Variants in PFDN4 observed in about 807,000 individuals in gnomAD.
PFDN4 encodes the protein prefoldin 4.
PFDN4 carries 6 observed loss-of-function variants against 17.6 expected under a neutral mutation model. That is an observed-to-expected ratio of 0.34 (90% CI 0.19 to 0.67). The LOEUF (loss-of-function observed/expected upper bound fraction) is 0.67. Among genes scored for constraint, PFDN4 ranks in the 30% least tolerant of loss-of-function variants. The pLI is 0.68. For missense variants in PFDN4, 119 were observed against 158.4 expected (o/e 0.75, Z 1.33); for synonymous variants, 48 against 51.1 (o/e 0.94, Z 0.26).
chr20:54,213,104 G>A (rs1191611664), intron 1 of PFDN4, among the ~76,000 whole-genome samples: 4 of 152,188 alleles, frequency 2.6e-5, no homozygotes, highest in African/African-American at 9.7e-5. Flanking sequence ...ACCTTAAGTC[G>A]ATGGTCATGA....
At chr20:54,216,379 A>G (rs1601176748) in intron 3 of PFDN4, among the ~76,000 whole-genome samples, 3 of 152,344 alleles carry the variant, frequency 2.0e-5, no homozygotes, top group Admixed American at 2.0e-4. Context: ...TGTCATAAAA[A>G]GCAAAACTTC....
At chr20:54,209,596 C>G (rs1038581463) in intron 1 of PFDN4, among the ~76,000 whole-genome samples, 1 of 152,150 alleles carries the variant, frequency 6.6e-6, no homozygotes, top group Non-Finnish European at 1.5e-5. Context: ...ATTGGGCCCT[C>G]TGGTGTTAGG....
At chr20:54,217,307 C>T (rs6023042) in intron 3 of PFDN4, among the ~76,000 whole-genome samples, 50 of 152,020 alleles carry the variant, frequency 3.3e-4, no homozygotes, top group African/African-American at 1.1e-3. Flanking sequence ...GGGTTCTAGT[C>T]GTGAGAAGCA....
In PFDN4 at chr20:54,219,168, T is replaced by A. The variant is rs748561161; in HGVS notation, c.*18T>A. 4 of 1,369,686 alleles carry A rather than the reference T, an allele frequency of 2.9e-6. No individual in the cohort carries two copies. Among genetic ancestry groups the A allele is most frequent in the Non-Finnish European group, 3.9e-6 (4 of 1,019,628 alleles). 84.8% of individuals were successfully genotyped at this position (1,369,686 alleles called of 1,614,324 possible). On this transcript the variant is annotated 3_prime_UTR_variant, in exon 4 of 4. Coordinates refer to ENST00000371419, the MANE Select transcript of PFDN4 (RefSeq NM_002623.4). ...AAAGTTAAACATTTTATAATACTTT[T>A]TTTATTTGTTTAATAAACTTGAATA...
intron 1 of PFDN4, among the ~76,000 whole-genome samples, chr20:54,209,351 A>G (rs1470487508): frequency 6.6e-6 from 1 of 152,166 alleles, no homozygotes; most frequent in Non-Finnish European, 1.5e-5. Context: ...GCCCCTATCC[A>G]GTACCACATA....
In PFDN4 at chr20:54,219,367, A is replaced by C; in HGVS notation, c.*217A>C. ...ATGTATTTTGCATAACGATTATATC[A>C]AGTCTAGGGGCTTCATGTCATGTTA... On this transcript the variant is annotated 3_prime_UTR_variant, in exon 4 of 4. Transcript: ENST00000371419. 1 of 404,994 alleles carries C rather than the reference A, an allele frequency of 2.5e-6. No homozygotes were observed. Among genetic ancestry groups the C allele is most frequent in the Non-Finnish European group, 4.3e-6 (1 of 232,920 alleles). 25.1% of individuals were successfully genotyped at this position (404,994 alleles called of 1,614,324 possible).
rs778109659 is a variant in PFDN4 at position 54,219,006 on chromosome 20, A to AT, written c.274-5dup. ...CTATTGAATAGAATTAATTTAAAAT[A>AT]TTTTTTTTCCAGAAAAATTTGCAAG... is the stretch of plus-strand genomic sequence containing the variant. On this transcript the variant is annotated splice_polypyrimidine_tract_variant and intron_variant, in intron 3 of 3. Coordinates refer to ENST00000371419, the MANE Select transcript of PFDN4 (RefSeq NM_002623.4). The AT allele has an allele frequency of 1.2e-4, 174 of 1,429,986 alleles. No individual in the cohort carries two copies. In the Admixed American group the frequency reaches 1.6e-3, roughly 13 times the overall value. 88.6% of individuals were successfully genotyped at this position (1,429,986 alleles called of 1,614,324 possible). A position where few individuals can be genotyped will look rare whatever the true frequency, so the allele number is the denominator to read the frequency against.
intron 1 of PFDN4, among the ~76,000 whole-genome samples, chr20:54,212,005 C>G (rs139183952): frequency 6.3e-4 from 96 of 152,094 alleles, no homozygotes; most frequent in Non-Finnish European, 1.2e-3. Flanking sequence ...CCAGCCTGGC[C>G]AACATGGTGA....
At chr20:54,212,852 T>C (rs974768492) in intron 1 of PFDN4, among the ~76,000 whole-genome samples, 10 of 152,286 alleles carry the variant, frequency 6.6e-5, no homozygotes, top group African/African-American at 2.4e-4. Context: ...CGTAGCTCAG[T>C]GTTCCCCAAC....
In PFDN4 at chr20:54,215,393, A is replaced by G; in HGVS notation, c.226A>G (p.Ile76Val). 2 of 1,606,008 alleles carry G rather than the reference A, an allele frequency of 1.2e-6. No homozygotes were observed. The highest frequency in any genetic ancestry group is 8.5e-7 in the Non-Finnish European group (1 of 1,174,744). Reference sequence around the variant, plus strand: ...ACCTTATCAAATTGGTGATGTCTTCATTAGCCATTCTCAAGAAGAAACGCA... The same window carrying G: ...ACCTTATCAAATTGGTGATGTCTTCGTTAGCCATTCTCAAGAAGAAACGCA... ...MIPYQIGDVF[I>V]SHSQEETQEM... Residue 76 changes from isoleucine to valine, a missense_variant, in exon 3 of 4, where the codon ATT becomes GTT. Ile to Val is a conservative substitution (Grantham distance 29). This residue lies in a region of PFDN4 where 81 missense variants were observed against 111.7 expected (regional missense o/e 0.73). Transcript: ENST00000371419.
chr20:54,218,547 C>G (rs540232622), intron 3 of PFDN4, among the ~76,000 whole-genome samples: 1 of 152,234 alleles, frequency 6.6e-6, no homozygotes, highest in East Asian at 1.9e-4. Flanking sequence ...CAAAGTTTAG[C>G]TCCAGAGGCC....
chr20:54,208,379 C>T (rs2092750982), intron 1 of PFDN4: 1 of 425,000 alleles, frequency 2.4e-6, no homozygotes. Flanking sequence ...AGGTCCGCCT[C>T]CCGCGATGCC....
intron 1 of PFDN4, among the ~76,000 whole-genome samples, chr20:54,209,902 G>A (rs1463763846): frequency 1.3e-5 from 2 of 152,176 alleles, no homozygotes; most frequent in Non-Finnish European, 2.9e-5. Context: ...AAGAACGTAT[G>A]TTCCAGGGCA....
At chr20:54,217,149 TGA>T (rs2092763634) in intron 3 of PFDN4, among the ~76,000 whole-genome samples, 2 of 152,020 alleles carry the variant, frequency 1.3e-5, no homozygotes, top group South Asian at 4.2e-4. Context: ...GAAAGTGATA[TGA>T]GGATAGAGGT....
chr20:54,212,856 C>G (rs1479462547), intron 1 of PFDN4, among the ~76,000 whole-genome samples: 2 of 152,252 alleles, frequency 1.3e-5, no homozygotes, highest in Admixed American at 6.5e-5. Context: ...GCTCAGTGTT[C>G]CCCAACTTCC....
chr20:54,216,703 C>G (rs1344512302), intron 3 of PFDN4, among the ~76,000 whole-genome samples: 1 of 152,022 alleles, frequency 6.6e-6, no homozygotes. Context: ...GTCGCCCAGG[C>G]TGGAGTGCAA....
intron 1 of PFDN4, chr20:54,208,762 C>G (rs935805973): frequency 2.0e-5 from 3 of 152,342 alleles, no homozygotes; most frequent in African/African-American, 7.2e-5. Flanking sequence ...TGTGCCGGGC[C>G]CAGCAGCCGG....
chr20:54,213,390 C>T (rs1438759017), intron 1 of PFDN4, among the ~76,000 whole-genome samples: 1 of 152,124 alleles, frequency 6.6e-6, no homozygotes, highest in Non-Finnish European at 1.5e-5. Flanking sequence ...TCCAGATGTG[C>T]CTAAGCCTGT....
chr20:54,212,823 T>C (rs1033475108), intron 1 of PFDN4, among the ~76,000 whole-genome samples: 8 of 151,758 alleles, frequency 5.3e-5, no homozygotes, highest in Non-Finnish European at 7.3e-5. Context: ...TGCCAAGATA[T>C]AGACTTTGGT....
Sources: gnomAD v4.1 joint callset for allele counts (sites outside exome capture counted in the v4.1 genomes callset) on GRCh38, gnomAD v4.1.1 for gene constraint, gnomAD v4.1.1 regional missense constraint, MANE v1.5 for transcripts, NCBI Gene and HGNC (gene_info 2026-07-23, HGNC 2026-07-21) for gene names.